Variants in FSTL5 observed in about 807,000 individuals in gnomAD.
FSTL5 encodes follistatin like 5.
In FSTL5, 62 loss-of-function variants were observed where a neutral mutation model predicts 89.1. That is an observed-to-expected ratio of 0.70 (90% CI 0.57 to 0.86). The LOEUF (loss-of-function observed/expected upper bound fraction) is 0.86. Ranked by LOEUF, FSTL5 falls within the 40% of genes least tolerant of loss-of-function variation. FSTL5 has a pLI of 0.00. For missense variants in FSTL5, 1,057 were observed against 1,001.6 expected (o/e 1.06, Z -0.75); for synonymous variants, 383 against 346.2 (o/e 1.11, Z -1.18).
chr4:161,583,745 A>T (rs763304904), intron 8 of FSTL5, among the ~76,000 whole-genome samples: 44 of 152,176 alleles, frequency 2.9e-4, no homozygotes, highest in Non-Finnish European at 4.6e-4. Context: ...TATAGACTTG[A>T]CCTAACTAGA....
intron 3 of FSTL5, among the ~76,000 whole-genome samples, chr4:161,946,494 T>C (rs1026871251): frequency 3.9e-5 from 6 of 152,218 alleles, no homozygotes; most frequent in Admixed American, 1.3e-4. Context: ...TCAGGTGTGA[T>C]TGAAATCAAT....
intron 12 of FSTL5, among the ~76,000 whole-genome samples, chr4:161,484,859 C>G (rs185538057): frequency 5.3e-4 from 80 of 152,246 alleles, no homozygotes; most frequent in Non-Finnish European, 7.6e-4. Context: ...CTTGATTTGT[C>G]ATAAAAGGTT....
chr4:161,622,199 C>G (rs955267171), intron 7 of FSTL5, among the ~76,000 whole-genome samples: 4 of 151,978 alleles, frequency 2.6e-5, no homozygotes, highest in African/African-American at 9.7e-5. Flanking sequence ...AGATTAAATA[C>G]AAAATCTTAA....
chr4:161,593,305 A>G (rs1578951826), intron 7 of FSTL5, among the ~76,000 whole-genome samples: 1 of 152,240 alleles, frequency 6.6e-6, no homozygotes, highest in South Asian at 2.1e-4. Context: ...TGCTCACATA[A>G]TAGTACTCCA....
At chr4:161,392,707 A>G (rs1439740051) in intron 15 of FSTL5, among the ~76,000 whole-genome samples, 4 of 152,180 alleles carry the variant, frequency 2.6e-5, no homozygotes, top group Non-Finnish European at 5.9e-5. Flanking sequence ...ATCTGAAAAG[A>G]GTAGCTTCCC....
intron 3 of FSTL5, among the ~76,000 whole-genome samples, chr4:161,974,041 C>T (rs1292681342): frequency 6.6e-6 from 1 of 152,082 alleles, no homozygotes; most frequent in Admixed American, 6.6e-5. Context: ...CCTAGGAATC[C>T]AACTTACAAG....
chr4:161,416,585 C>A (rs868120867), intron 15 of FSTL5, among the ~76,000 whole-genome samples: 1 of 152,140 alleles, frequency 6.6e-6, no homozygotes, highest in Non-Finnish European at 1.5e-5. Context: ...TGGCTCACAC[C>A]TGTGATCCCA....
At chr4:161,830,206 AT>A (rs1294086667) in intron 4 of FSTL5, among the ~76,000 whole-genome samples, 1 of 151,900 alleles carries the variant, frequency 6.6e-6, no homozygotes, top group Non-Finnish European at 1.5e-5. Context: ...TATCAGACAC[AT>A]TTTTTTCTTT....
At chr4:162,141,524 A>G (rs1270959101) in intron 1 of FSTL5, among the ~76,000 whole-genome samples, 4 of 152,104 alleles carry the variant, frequency 2.6e-5, no homozygotes, top group African/African-American at 9.7e-5. Flanking sequence ...AGATGCTAGC[A>G]CCATGCTTCT....
At chr4:161,742,213 G>A (rs1740053283) in intron 6 of FSTL5, among the ~76,000 whole-genome samples, 1 of 152,200 alleles carries the variant, frequency 6.6e-6, no homozygotes, top group Admixed American at 6.5e-5. Flanking sequence ...ATCCTGAGGG[G>A]AGTGAAGGAC....
chr4:161,385,849 G>C lies in FSTL5; in HGVS notation c.2442C>G (p.Ser814=). The change falls in exon 16 of 16, where the codon TCC becomes TCG. Residue 814 remains serine, a synonymous_variant. Coordinates refer to ENST00000306100, the MANE Select transcript of FSTL5 (RefSeq NM_020116.5). ...CATCTAGGATGAAGAGAGAGTCCTT[G>C]GAAGGTGTCATCAGGTATTGACCAA... ...GLFGQYLMTP[S]KDSLFILDGR... is the part of the protein sequence containing the mutation. The C allele has an allele frequency of 6.2e-7, 1 of 1,613,748 alleles. No individual in the cohort carries two copies. The highest frequency in any genetic ancestry group is 1.1e-5 in the South Asian group (1 of 91,060).
intron 1 of FSTL5, among the ~76,000 whole-genome samples, chr4:162,153,664 AT>A (rs1445431281): frequency 3.6e-5 from 3 of 84,266 alleles, no homozygotes; most frequent in Non-Finnish European, 8.2e-5. Context: ...TGTATATAAT[AT>A]ATGTATATTA....
chr4:161,684,542 T>C (rs1292187651), intron 6 of FSTL5, among the ~76,000 whole-genome samples: 1 of 152,230 alleles, frequency 6.6e-6, no homozygotes, highest in East Asian at 1.9e-4. Flanking sequence ...TTTTTTCATA[T>C]GTTTGTTGTC....
intron 15 of FSTL5, among the ~76,000 whole-genome samples, chr4:161,404,714 A>T (rs1387723141): frequency 6.6e-6 from 1 of 152,092 alleles, no homozygotes; most frequent in Non-Finnish European, 1.5e-5. Flanking sequence ...CTTAAAAAAA[A>T]AAACAACAAT....
chr4:161,496,346 G>A (rs1730068279), intron 12 of FSTL5, among the ~76,000 whole-genome samples: 1 of 152,060 alleles, frequency 6.6e-6, no homozygotes, highest in Non-Finnish European at 1.5e-5. Context: ...CCAGTTGTTT[G>A]GTCAAACACT....
intron 4 of FSTL5, among the ~76,000 whole-genome samples, chr4:161,862,002 G>C (rs574166287): frequency 3.9e-4 from 59 of 152,242 alleles, no homozygotes; most frequent in Admixed American, 3.3e-3. Context: ...CCCTCTTTGG[G>C]AGAAACTGTA....
intron 12 of FSTL5, among the ~76,000 whole-genome samples, chr4:161,487,698 T>C (rs1382722827): frequency 2.0e-5 from 3 of 152,110 alleles, no homozygotes; most frequent in Admixed American, 2.0e-4. Context: ...TCTTTCAGTA[T>C]TTCTTTCTTT....
chr4:161,836,269 A>C (rs901691846), intron 4 of FSTL5, among the ~76,000 whole-genome samples: 1 of 135,382 alleles, frequency 7.4e-6, no homozygotes, highest in Non-Finnish European at 1.5e-5. Flanking sequence ...ACAGATGGAC[A>C]CAGGAAGGGG....
intron 7 of FSTL5, among the ~76,000 whole-genome samples, chr4:161,595,391 A>G (rs1195286082): frequency 6.6e-6 from 1 of 151,984 alleles, no homozygotes; most frequent in African/African-American, 2.4e-5. Flanking sequence ...TAAATATTTC[A>G]TCAGAGATTC....
Sources: allele counts gnomAD v4.1 joint callset (sites outside exome capture counted in the v4.1 genomes callset), GRCh38; gene constraint gnomAD v4.1.1; transcripts MANE v1.5; gene names NCBI Gene and HGNC (gene_info 2026-07-23, HGNC 2026-07-21).